SLC39A12: variants seen among roughly 807,000 people sequenced by gnomAD.
SLC39A12 encodes the protein solute carrier family 39 member 12.
Under a neutral mutation model 71.1 loss-of-function variants are expected in SLC39A12, and 63 were observed. The ratio of observed to expected loss-of-function variants is 0.89; its 90% CI spans 0.72 to 1.09. SLC39A12 has a LOEUF of 1.09. SLC39A12 is among the 50% of genes least tolerant of loss of function. The pLI is 0.00. For synonymous variants in SLC39A12, 351 were observed against 301.3 expected, an observed-to-expected ratio of 1.16 and a Z score of -1.71; for missense variants, 892 against 812.6, an observed-to-expected ratio of 1.10 and a Z score of -1.19.
intron 10 of SLC39A12, among the ~76,000 whole-genome samples, chr10:17,997,091 G>A (rs1835707819): frequency 6.6e-6 from 1 of 150,890 alleles, no homozygotes; most frequent in Admixed American, 6.6e-5. Context: ...ATTTTTTTGT[G>A]ACCATTCATT....
intron 12 of SLC39A12, among the ~76,000 whole-genome samples, chr10:18,014,192 T>C (rs1836313690): frequency 1.3e-5 from 2 of 152,196 alleles, no homozygotes; most frequent in Non-Finnish European, 2.9e-5. Flanking sequence ...ATTTTATTTC[T>C]AGGTATTTTC....
At chr10:17,956,725 C>T (rs1174345175) in intron 2 of SLC39A12, among the ~76,000 whole-genome samples, 1 of 152,178 alleles carries the variant, frequency 6.6e-6, no homozygotes, top group East Asian at 1.9e-4. Flanking sequence ...AGCAGAGAAC[C>T]ACTGCTTTAA....
In SLC39A12 at chr10:18,012,588, G is replaced by T. The variant is rs1456288389; in HGVS notation, c.1947+9230G>T. Among the ~76,000 whole-genome samples, 5 of 152,192 alleles carry T rather than the reference G, an allele frequency of 3.3e-5. No homozygotes were observed. In the South Asian group the frequency reaches 1.0e-3, roughly 31 times the overall value. On this transcript the variant is annotated intron_variant, in intron 12 of 12. Coordinates refer to ENST00000377369, the MANE Select transcript of SLC39A12 (RefSeq NM_001145195.2). ...AACCCTGCAGACTATTGAAAGGGTG[G>T]CTGGGTGCGGTGGCTCGCGCCTGTA...
intron 12 of SLC39A12, among the ~76,000 whole-genome samples, chr10:18,019,568 A>T (rs1047586370): frequency 6.6e-6 from 1 of 151,962 alleles, no homozygotes; most frequent in Non-Finnish European, 1.5e-5. Flanking sequence ...ATTTGAGCAC[A>T]CTTTCACTCT....
At chr10:17,974,545 T>C (rs1835055615) in intron 4 of SLC39A12, among the ~76,000 whole-genome samples, 1 of 152,242 alleles carries the variant, frequency 6.6e-6, no homozygotes, top group Admixed American at 6.5e-5. Context: ...TATCTGGTCC[T>C]GGACAAGATC....
chr10:17,994,432 A>AT (rs66831597), intron 9 of SLC39A12, among the ~76,000 whole-genome samples: 120,416 of 152,036 alleles, frequency 0.79, 48,834 homozygotes, highest in Non-Finnish European at 0.89. Flanking sequence ...AAGAATGTAC[A>AT]TTTTTTTCCC....
chr10:18,042,948 C>G lies in SLC39A12; in HGVS notation c.*115C>G, dbSNP rs1047558447. 1.4e-5 allele frequency: 11 copies of G among 781,840 alleles called. No homozygotes were observed. Among genetic ancestry groups the G allele is most frequent in the Non-Finnish European group, 2.0e-5 (11 of 551,090 alleles). The allele number at this position is 781,840 out of a possible 1,614,324, so 48.4% of individuals were successfully genotyped here. On this transcript the variant is annotated 3_prime_UTR_variant, in exon 13 of 13. Transcript: ENST00000377369. ...ATTTTTTATCTTAGGCAAAGTGTGT[C>G]TCTTTCAATTCATTAACTTATTAAT... is the stretch of plus-strand genomic sequence containing the variant.
chr10:18,000,416 T>TA (rs1835799551), intron 10 of SLC39A12, among the ~76,000 whole-genome samples: 1 of 152,224 alleles, frequency 6.6e-6, no homozygotes, highest in Admixed American at 6.5e-5. Context: ...CATAAGATGT[T>TA]AAAATCATTT....
chr10:18,010,332 A>G (rs1836175257), intron 12 of SLC39A12, among the ~76,000 whole-genome samples: 1 of 152,212 alleles, frequency 6.6e-6, no homozygotes, highest in African/African-American at 2.4e-5. Flanking sequence ...AGACATATGA[A>G]GTAACCTTGA....
At chr10:17,952,890 A>G (rs1183999829) in intron 1 of SLC39A12, among the ~76,000 whole-genome samples, 8 of 152,226 alleles carry the variant, frequency 5.3e-5, no homozygotes, top group African/African-American at 1.9e-4. Flanking sequence ...TGGGATAAAC[A>G]TAAGGTGTTT....
intron 10 of SLC39A12, among the ~76,000 whole-genome samples, chr10:17,996,764 G>A (rs561558372): frequency 1.3e-5 from 2 of 152,086 alleles, no homozygotes; most frequent in Non-Finnish European, 2.9e-5. Context: ...TTGGGAGGCC[G>A]AGGCGGGCAG....
At chr10:18,034,505 T>C (rs1483641779) in intron 12 of SLC39A12, among the ~76,000 whole-genome samples, 1 of 151,852 alleles carries the variant, frequency 6.6e-6, no homozygotes, top group East Asian at 1.9e-4. Context: ...GCTTGGTAGA[T>C]CTTCCTCCAT....
rs896164598 is a variant in SLC39A12, at chr10:18,022,894, A to G, written c.1947+19536A>G. ...CTAGTCCCTGGTTTCACAGAGGTCT[A>G]TATTAGCGTAGTATTTTTTGGTGTT... On this transcript the variant is annotated intron_variant, in intron 12 of 12. Transcript: ENST00000377369. Among the ~76,000 whole-genome samples, 2 of 152,174 alleles carry G rather than the reference A, an allele frequency of 1.3e-5. 1 individual carries two copies. The highest frequency in any genetic ancestry group is 4.1e-4 in the South Asian group (2 of 4,832).
intron 5 of SLC39A12, among the ~76,000 whole-genome samples, chr10:17,979,839 T>C (rs1395427647): frequency 6.6e-6 from 1 of 152,206 alleles, no homozygotes; most frequent in Non-Finnish European, 1.5e-5. Context: ...TCTGTGGCTT[T>C]GCTGAATCAA....
At chr10:17,993,006 C>A (rs969086444) in intron 8 of SLC39A12, among the ~76,000 whole-genome samples, 175 bp from the exon 9 acceptor site, 8 of 152,174 alleles carry the variant, frequency 5.3e-5, no homozygotes, top group Non-Finnish European at 1.0e-4. Context: ...TTCAAGCCTT[C>A]TTCAGTCATC....
chr10:17,996,679 G>GCTC (rs1443305599), intron 10 of SLC39A12, among the ~76,000 whole-genome samples: 2 of 152,200 alleles, frequency 1.3e-5, no homozygotes, highest in Non-Finnish European at 2.9e-5. Flanking sequence ...TAGCTAGTCA[G>GCTC]CTCTAGCGCT....
intron 2 of SLC39A12, among the ~76,000 whole-genome samples, chr10:17,960,526 C>G (rs1408553068): frequency 2.6e-5 from 4 of 152,306 alleles, no homozygotes; most frequent in Admixed American, 6.5e-5. Context: ...TTTTATACCT[C>G]TTAAGTGCCA....
At chr10:17,997,034 A>AAAAAAAT (rs1835704898) in intron 10 of SLC39A12, among the ~76,000 whole-genome samples, 1 of 150,262 alleles carries the variant, frequency 6.7e-6, no homozygotes, top group African/African-American at 2.4e-5. Context: ...AAAAAAAAAA[A>AAAAAAAT]AAAGAAAAAG....
At chr10:17,985,006 C>T (rs1835364767) in intron 6 of SLC39A12, among the ~76,000 whole-genome samples, 1 of 152,106 alleles carries the variant, frequency 6.6e-6, no homozygotes, top group Non-Finnish European at 1.5e-5. Flanking sequence ...CAGTAAAGTC[C>T]TCTTAATATC....
Sources: allele counts gnomAD v4.1 joint callset (sites outside exome capture counted in the v4.1 genomes callset), GRCh38; gene constraint gnomAD v4.1.1; transcripts MANE v1.5; gene names NCBI Gene and HGNC (gene_info 2026-07-23, HGNC 2026-07-21).